Variants in RAP1GAP2 observed in about 807,000 individuals in gnomAD.
RAP1GAP2 encodes the protein rap1 GTPase-activating protein 2.
In RAP1GAP2, 27 loss-of-function variants were observed where a neutral mutation model predicts 95.0. That is an observed-to-expected ratio of 0.28 (90% CI 0.21 to 0.39). The LOEUF (loss-of-function observed/expected upper bound fraction) is 0.39. RAP1GAP2 is among the 10% of genes least tolerant of loss of function. RAP1GAP2 has a pLI of 1.00. For missense variants in RAP1GAP2, 771 were observed against 970.0 expected (o/e 0.79, Z 2.72); for synonymous variants, 373 against 380.9 (o/e 0.98, Z 0.24).
At chr17:2,863,696 A>G (rs916070289) in intron 2 of RAP1GAP2, among the ~76,000 whole-genome samples, 3 of 152,148 alleles carry the variant, frequency 2.0e-5, no homozygotes, top group Non-Finnish European at 4.4e-5. Context: ...AACTTGTAAG[A>G]ACCCCATAAG....
At chr17:2,900,843 G>A (rs1045896949) in intron 2 of RAP1GAP2, among the ~76,000 whole-genome samples, 4 of 152,232 alleles carry the variant, frequency 2.6e-5, no homozygotes, top group South Asian at 2.1e-4. Flanking sequence ...TCACAGCTGG[G>A]TAGCAGGCAG....
chr17:2,980,454 G>A, intron 9 of RAP1GAP2, 89 bp downstream of exon 9: 1 of 1,351,398 alleles, frequency 7.4e-7, no homozygotes, highest in Admixed American at 1.8e-5. Flanking sequence ...TCCTGGGTAG[G>A]CTCAGCCCTT....
At chr17:3,016,703 C>T (rs1403331168) in intron 17 of RAP1GAP2, among the ~76,000 whole-genome samples, 8 of 151,186 alleles carry the variant, frequency 5.3e-5, no homozygotes, top group Non-Finnish European at 2.9e-5. Flanking sequence ...AGTAGCCACA[C>T]TTATCAGATC....
intron 2 of RAP1GAP2, among the ~76,000 whole-genome samples, chr17:2,891,814 C>CTTTTTTTTTTTTTTTTTTTT (rs917540694): frequency 3.7e-5 from 2 of 54,288 alleles, no homozygotes; most frequent in African/African-American, 7.0e-5. Flanking sequence ...TATTTCTTTT[C>CTTTTTTTTTTTTTTTTTTTT]TTTTTTTTTT....
intron 4 of RAP1GAP2, among the ~76,000 whole-genome samples, chr17:2,960,551 A>C (rs1478073320): frequency 2.0e-5 from 3 of 152,228 alleles, no homozygotes; most frequent in Non-Finnish European, 4.4e-5. Context: ...CCTGCTGTCC[A>C]CAGAGTGTGG....
intron 1 of RAP1GAP2, among the ~76,000 whole-genome samples, chr17:2,764,548 C>T (rs1049823700): frequency 6.6e-6 from 1 of 151,898 alleles, no homozygotes; most frequent in African/African-American, 2.4e-5. Flanking sequence ...TGGTGAAACC[C>T]CGTCTCTACT....
rs1597908176 is a variant in RAP1GAP2, at chr17:3,027,366, G to GCCCTTCTCCCCACCTGCCAGTGCTCCAA, written c.2107+317_2107+344dup. On this transcript the variant is annotated intron_variant, in intron 22 of 24. Coordinates refer to ENST00000254695, the MANE Select transcript of RAP1GAP2 (RefSeq NM_015085.5). The surrounding 1 kb of genome is among the most constrained non-coding windows in gnomAD (Gnocchi z 5.2). ...TGGGAAAGCTGAGCACTTTCCATTA[G>GCCCTTCTCCCCACCTGCCAGTGCTCCAA]CCCTTCTCCCCACCTGCCAGTGCTC... Among the ~76,000 whole-genome samples, 2 of 152,080 alleles carry GCCCTTCTCCCCACCTGCCAGTGCTCCAA rather than the reference G, an allele frequency of 1.3e-5. No homozygotes were observed. The highest frequency in any genetic ancestry group is 2.4e-5 in the African/African-American group (1 of 41,396).
At position 2,964,054 on chromosome 17, in the gene RAP1GAP2, C is replaced by A; in HGVS notation, c.478C>A (p.His160Asn). 1.2e-6 allele frequency: 2 copies of A among 1,609,124 alleles called. No individual in the cohort carries two copies. Among genetic ancestry groups the A allele is most frequent in the Non-Finnish European group, 1.7e-6 (2 of 1,178,412 alleles). ...CKGEARAYRR[H>N]FLGKDHLNFY... ...GGGTGAAGCCAGGGCCTACCGGAGG[C>A]ACTTCCTGGGGAAGGTGAGGCTGGG... Residue 160 changes from histidine to asparagine, a missense_variant, in exon 7 of 25, where the codon CAC (histidine) becomes AAC (asparagine). Transcript: ENST00000254695.
At chr17:2,916,690 G>C (rs962995361) in intron 3 of RAP1GAP2, among the ~76,000 whole-genome samples, 6 of 152,352 alleles carry the variant, frequency 3.9e-5, no homozygotes, top group African/African-American at 1.4e-4. Context: ...GTCATCCACA[G>C]AATCGCTAGT....
At chr17:2,865,535 T>G (rs2072582987) in intron 2 of RAP1GAP2, among the ~76,000 whole-genome samples, 1 of 152,224 alleles carries the variant, frequency 6.6e-6, no homozygotes. Flanking sequence ...GGGTTACCTG[T>G]GCCATCTGTA....
Position 2,990,947 on chromosome 17 carries a change from C to T in RAP1GAP2, c.814-350C>T, listed in dbSNP as rs182503407. Among the ~76,000 whole-genome samples the T allele has an allele frequency of 4.5e-3, 677 of 151,488 alleles. 6 individuals are homozygous for T. The highest frequency in any genetic ancestry group is 0.015 in the African/African-American group (616 of 41,222). On this transcript the variant is annotated intron_variant, in intron 11 of 24. Transcript: ENST00000254695. ...GCAACCTCCGCTTCCCAGGCTCAAG[C>T]GATTCTCCTCTCTCAGTCTCCCGAG...
At chr17:2,837,525 T>C (rs1181340366) in intron 2 of RAP1GAP2, among the ~76,000 whole-genome samples, 1 of 151,838 alleles carries the variant, frequency 6.6e-6, no homozygotes, top group Non-Finnish European at 1.5e-5. Flanking sequence ...CCTCGTTTCC[T>C]GGGGCTCCAT....
chr17:2,759,427 C>T (rs939650992), intron 1 of RAP1GAP2, among the ~76,000 whole-genome samples: 1 of 152,178 alleles, frequency 6.6e-6, no homozygotes, highest in East Asian at 1.9e-4. Context: ...ACTACAGGCA[C>T]GTGCCACCAC....
At chr17:2,853,227 G>C (rs1489226511) in intron 2 of RAP1GAP2, among the ~76,000 whole-genome samples, 2 of 152,034 alleles carry the variant, frequency 1.3e-5, no homozygotes, top group African/African-American at 4.8e-5. Context: ...CCCACCCGGG[G>C]ACCCGGGCCC....
rs186736252 is a variant in RAP1GAP2, at chr17:2,829,198, A to G, written c.80+28648A>G. Among the ~76,000 whole-genome samples the G allele has an allele frequency of 5.4e-3, 818 of 151,890 alleles. 21 individuals are homozygous for G. The highest frequency in any genetic ancestry group is 0.042 in the Admixed American group (645 of 15,212). On this transcript the variant is annotated intron_variant, in intron 2 of 24. Transcript: ENST00000254695. ...GGGGTTTCGCCATGTTGGCCAGGCT[A>G]GTCTCAAACTCCTGACCTCAGGTGA...
At chr17:2,806,737 A>G (rs1175154889) in intron 2 of RAP1GAP2, among the ~76,000 whole-genome samples, 1 of 148,570 alleles carries the variant, frequency 6.7e-6, no homozygotes, top group East Asian at 2.0e-4. Context: ...TTTTTGAGAC[A>G]GAGTCTCACT....
chr17:2,927,821 C>T (rs1597633677), intron 3 of RAP1GAP2, among the ~76,000 whole-genome samples: 1 of 152,242 alleles, frequency 6.6e-6, no homozygotes, highest in South Asian at 2.1e-4. Context: ...GGCCTTCCCT[C>T]TGTGGGATTC....
intron 10 of RAP1GAP2, among the ~76,000 whole-genome samples, chr17:2,981,861 G>A (rs2045371299): frequency 6.6e-6 from 1 of 152,188 alleles, no homozygotes; most frequent in Non-Finnish European, 1.5e-5. Flanking sequence ...CAAGAGGACT[G>A]AAGTCACCCA....
At chr17:2,885,033 T>TTTTTTTTTTTTTTTTTTTTTG in intron 2 of RAP1GAP2, among the ~76,000 whole-genome samples, 1 of 142,300 alleles carries the variant, frequency 7.0e-6, no homozygotes, top group Non-Finnish European at 1.5e-5. Flanking sequence ...TCTTTCTTTT[T>TTTTTTTTTTTTTTTTTTTTTG]TTTTTTTTTT....
Sources: gnomAD v4.1 joint callset for allele counts (sites outside exome capture counted in the v4.1 genomes callset) on GRCh38, gnomAD v4.1.1 for gene constraint, Gnocchi (gnomAD v3.1) non-coding constraint, MANE v1.5 for transcripts, NCBI Gene and HGNC (gene_info 2026-07-23, HGNC 2026-07-21) for gene names.